Variants in IRAK1BP1 observed in about 807,000 individuals in gnomAD.
IRAK1BP1 encodes interleukin 1 receptor associated kinase 1 binding protein 1.
Under a neutral mutation model 28.0 loss-of-function variants are expected in IRAK1BP1, and 24 were observed. The observed-to-expected ratio is 0.86, with a 90% CI of 0.62 to 1.20. The LOEUF is 1.20. Ranked by LOEUF, IRAK1BP1 falls within the 50% of genes most tolerant of loss-of-function variation. The probability of loss-of-function intolerance (pLI) is 0.00; values close to 1 mark genes in which losing one functional copy is unlikely to be tolerated. For synonymous variants in IRAK1BP1, 131 were observed against 116.3 expected (o/e 1.13, Z -0.81); for missense variants, 336 against 316.7 (o/e 1.06, Z -0.46).
chr6:78,942,993 A>G (rs543917697), intron 4 of IRAK1BP1, among the ~76,000 whole-genome samples: 1 of 152,340 alleles, frequency 6.6e-6, no homozygotes, highest in Admixed American at 6.5e-5. Flanking sequence ...TCCTGGGCAC[A>G]TGAAAAGTTA....
chr6:78,952,300 T>A, the IRAK1BP1 span, among the ~76,000 whole-genome samples: 1 of 151,446 alleles, frequency 6.6e-6, no homozygotes. Context: ...GCGCCTATAA[T>A]CCCAGCTACT....
intron 1 of IRAK1BP1, among the ~76,000 whole-genome samples, chr6:78,873,423 A>G (rs904188912): frequency 6.6e-6 from 1 of 151,604 alleles, no homozygotes; most frequent in African/African-American, 2.4e-5. Flanking sequence ...ATTTTTTTCT[A>G]CCTTTGTATA....
chr6:78,956,578 C>A, the IRAK1BP1 span: 3 of 152,044 alleles, frequency 2.0e-5, no homozygotes, highest in Non-Finnish European at 4.4e-5. Flanking sequence ...TCAAAGCCAC[C>A]CACGATGTGG....
chr6:78,922,355 G>A (rs532010833), intron 4 of IRAK1BP1, among the ~76,000 whole-genome samples: 13 of 152,156 alleles, frequency 8.5e-5, no homozygotes, highest in African/African-American at 3.1e-4. Flanking sequence ...GAAATGAAGA[G>A]AGAAGAGAAG....
At chr6:78,870,493 GA>G (rs144251473) in intron 1 of IRAK1BP1, among the ~76,000 whole-genome samples, 14,372 of 152,014 alleles carry the variant, frequency 0.095, 788 homozygotes, top group Middle Eastern at 0.14. Flanking sequence ...TGTGTACTCA[GA>G]AAATGCCTTC....
At chr6:78,874,054 C>T (rs1770896819) in intron 1 of IRAK1BP1, among the ~76,000 whole-genome samples, 1 of 152,186 alleles carries the variant, frequency 6.6e-6, no homozygotes, top group Non-Finnish European at 1.5e-5. Context: ...CCTTCATCTT[C>T]CTGCATGATA....
the IRAK1BP1 span, among the ~76,000 whole-genome samples, chr6:78,972,655 A>G: frequency 6.6e-6 from 1 of 152,234 alleles, no homozygotes; most frequent in Non-Finnish European, 1.5e-5. Flanking sequence ...ATGTGTAACT[A>G]GAATAATCAA....
At chr6:78,881,672 T>A (rs1181652691) in intron 1 of IRAK1BP1, among the ~76,000 whole-genome samples, 3 of 152,066 alleles carry the variant, frequency 2.0e-5, no homozygotes, top group African/African-American at 7.2e-5. Flanking sequence ...TGGAAAATGG[T>A]GTTTTGACTG....
chr6:78,957,382 A>C, the IRAK1BP1 span: 1 of 151,990 alleles, frequency 6.6e-6, no homozygotes, highest in Non-Finnish European at 1.5e-5. Flanking sequence ...AAAGCATAGC[A>C]ATAATAGCCC....
At chr6:78,916,055 G>A (rs867559209) in intron 4 of IRAK1BP1, among the ~76,000 whole-genome samples, 3 of 152,156 alleles carry the variant, frequency 2.0e-5, no homozygotes, top group Admixed American at 1.3e-4. Context: ...TGAGCAGCCG[G>A]AGCAAGCAGC....
At chr6:78,912,968 C>A (rs1014772440) in intron 4 of IRAK1BP1, among the ~76,000 whole-genome samples, 4 of 151,986 alleles carry the variant, frequency 2.6e-5, no homozygotes, top group Admixed American at 6.6e-5. Context: ...GATCTATAAG[C>A]ATATATATGT....
intron 1 of IRAK1BP1, among the ~76,000 whole-genome samples, chr6:78,877,493 A>G (rs1465948016): frequency 6.6e-6 from 1 of 152,176 alleles, no homozygotes; most frequent in Non-Finnish European, 1.5e-5. Flanking sequence ...TCCCTTTAAA[A>G]ACTACTGGGC....
intron 2 of IRAK1BP1, among the ~76,000 whole-genome samples, chr6:78,893,191 A>G (rs1445495767): frequency 1.3e-5 from 2 of 151,620 alleles, no homozygotes; most frequent in Non-Finnish European, 2.9e-5. Flanking sequence ...CTACAAAGGA[A>G]CAAAGGTAAG....
At chr6:78,905,688 G>A (rs933490380), downstream of IRAK1BP1, among the ~76,000 whole-genome samples, 2 of 152,052 alleles carry the variant, frequency 1.3e-5, no homozygotes, top group South Asian at 2.1e-4. Flanking sequence ...TGCAACCTCC[G>A]CCTCCTGGGT....
chr6:78,940,931 C>T lies in IRAK1BP1; in HGVS notation c.*68-4477C>T, dbSNP rs763249406. ...ATCTATAGGATCATCTATCTTTTTT[C>T]GGTTACTTCTCCTTAACACTTTGAC... On this transcript the variant is annotated intron_variant and NMD_transcript_variant, in intron 4 of 4. Transcript: ENST00000606868. The T allele has an allele frequency of 2.2e-5, 35 of 1,613,672 alleles. No individual in the cohort carries two copies. Among genetic ancestry groups the T allele is most frequent in the Non-Finnish European group, 2.9e-5 (34 of 1,179,804 alleles).
chr6:78,925,250 A>G (rs758787765), intron 4 of IRAK1BP1, among the ~76,000 whole-genome samples: 3 of 152,116 alleles, frequency 2.0e-5, no homozygotes, highest in African/African-American at 7.2e-5. Context: ...CGGCACACCA[A>G]CATGGCACAT....
At chr6:78,916,985 A>G (rs1253567948) in intron 4 of IRAK1BP1, among the ~76,000 whole-genome samples, 2 of 152,112 alleles carry the variant, frequency 1.3e-5, no homozygotes, top group East Asian at 3.9e-4. Flanking sequence ...ATGAGAAGAA[A>G]CCAGTGCAAG....
At chr6:78,960,564 C>G in the IRAK1BP1 span, among the ~76,000 whole-genome samples, 9 of 151,444 alleles carry the variant, frequency 5.9e-5, no homozygotes, top group African/African-American at 2.2e-4. Flanking sequence ...TTCTCCTTAT[C>G]TCTACGCTTT....
the IRAK1BP1 span, chr6:78,961,541 C>G: frequency 1.5e-6 from 1 of 669,290 alleles, no homozygotes; most frequent in African/African-American, 1.9e-5. Flanking sequence ...TCCAAATCTA[C>G]TGAATAAGAT....
Sources: allele counts gnomAD v4.1 joint callset (sites outside exome capture counted in the v4.1 genomes callset), GRCh38; gene constraint gnomAD v4.1.1; transcripts MANE v1.5; gene names NCBI Gene and HGNC (gene_info 2026-07-23, HGNC 2026-07-21).